NEMP2: variants seen among roughly 807,000 people sequenced by gnomAD.
The protein encoded by NEMP2 is nuclear envelope integral membrane protein 2.
In NEMP2, 53 loss-of-function variants were observed where a neutral mutation model predicts 54.2. That is an observed-to-expected ratio of 0.98 (90% CI 0.78 to 1.23). NEMP2 has a LOEUF of 1.23. NEMP2 is among the 50% of genes most tolerant of loss of function. NEMP2 has a pLI of 0.00. For missense variants in NEMP2, 455 were observed against 511.3 expected, an observed-to-expected ratio of 0.89 and a Z score of 1.06; for synonymous variants, 197 against 190.3, an observed-to-expected ratio of 1.04 and a Z score of -0.29.
At position 190,527,881 on chromosome 2, in the gene NEMP2, C is replaced by T. The variant is rs1012938421; in HGVS notation, c.98-2503G>A. Among the ~76,000 whole-genome samples the T allele has an allele frequency of 3.9e-5, 6 of 152,148 alleles. No homozygotes were observed. Among genetic ancestry groups the T allele is most frequent in the African/African-American group, 1.2e-4 (5 of 41,428 alleles). The stretch of plus-strand genomic sequence containing the variant: ...GATAATCTAACTAATGCCTGATGAT[C>T]TGAGGTGGAACAGTTTCATCCCAAA... On this transcript the variant is annotated intron_variant, in intron 1 of 8. Transcript: ENST00000409150. This position sits in a 1 kb window ranked among gnomAD's most constrained non-coding sequence, Gnocchi z 4.0.
the NEMP2 span, among the ~76,000 whole-genome samples, chr2:190,643,501 T>G: frequency 6.6e-6 from 1 of 152,230 alleles, no homozygotes; most frequent in Non-Finnish European, 1.5e-5. Context: ...CCATGTTACC[T>G]AAACAGGTAA....
downstream of NEMP2, chr2:190,500,307 C>A: frequency 7.2e-6 from 10 of 1,389,984 alleles, no homozygotes; most frequent in Non-Finnish European, 1.0e-5. The surrounding 1 kb of genome is among the most constrained non-coding windows in gnomAD (Gnocchi z 5.3). Context: ...TATGCCTCCC[C>A]TGGAGGAGCA....
the NEMP2 span, among the ~76,000 whole-genome samples, chr2:190,546,270 C>G: frequency 6.6e-6 from 1 of 152,012 alleles, no homozygotes; most frequent in African/African-American, 2.4e-5. This position sits in a 1 kb window ranked among gnomAD's most constrained non-coding sequence, Gnocchi z 5.1. Flanking sequence ...CACATACAGA[C>G]TGTTTTCCCT....
At chr2:190,540,914 T>C in the NEMP2 span, among the ~76,000 whole-genome samples, 13 of 152,152 alleles carry the variant, frequency 8.5e-5, no homozygotes, top group East Asian at 2.5e-3. Context: ...TTATTCATCA[T>C]TGGTTTGGTG....
At chr2:190,475,010 A>T in the NEMP2 span, among the ~76,000 whole-genome samples, 1 of 152,224 alleles carries the variant, frequency 6.6e-6, no homozygotes, top group Non-Finnish European at 1.5e-5. Flanking sequence ...TGCAAAATTC[A>T]ACAACCCTTC....
the NEMP2 span, among the ~76,000 whole-genome samples, chr2:190,487,716 T>C: frequency 1.3e-5 from 2 of 152,220 alleles, no homozygotes; most frequent in Non-Finnish European, 2.9e-5. This position sits in a 1 kb window ranked among gnomAD's most constrained non-coding sequence, Gnocchi z 5.5. Flanking sequence ...ACATTCATTA[T>C]GATTGCTATT....
At chr2:190,583,427 T>G in the NEMP2 span, among the ~76,000 whole-genome samples, 1 of 152,222 alleles carries the variant, frequency 6.6e-6, no homozygotes, top group African/African-American at 2.4e-5. Context: ...TCAACAGATT[T>G]TAAACGCCTG....
At chr2:190,606,064 G>A in the NEMP2 span, among the ~76,000 whole-genome samples, 3 of 152,218 alleles carry the variant, frequency 2.0e-5, no homozygotes, top group Admixed American at 1.3e-4. Context: ...GAGTTTCACA[G>A]TGTCCACCTT....
chr2:190,451,318 T>C, the NEMP2 span, among the ~76,000 whole-genome samples: 42 of 152,310 alleles, frequency 2.8e-4, no homozygotes, highest in South Asian at 7.7e-3. The surrounding 1 kb of genome is among the most constrained non-coding windows in gnomAD (Gnocchi z 5.0). Flanking sequence ...TCCTTAAGAT[T>C]AAATGAGATA....
the NEMP2 span, among the ~76,000 whole-genome samples, chr2:190,642,765 C>T: frequency 0.039 from 5,951 of 152,006 alleles, 207 homozygotes; most frequent in Non-Finnish European, 0.057. The surrounding 1 kb of genome is among the most constrained non-coding windows in gnomAD (Gnocchi z 4.1). Context: ...CAATAATAGA[C>T]GAGAATTATA....
chr2:190,610,645 C>T, the NEMP2 span: 5 of 152,240 alleles, frequency 3.3e-5, no homozygotes, highest in Non-Finnish European at 7.3e-5. The surrounding 1 kb of genome is among the most constrained non-coding windows in gnomAD (Gnocchi z 5.4). Flanking sequence ...ATTCTTGTTG[C>T]ACTTATGCAA....
At chr2:190,615,546 G>A in the NEMP2 span, among the ~76,000 whole-genome samples, 1 of 152,156 alleles carries the variant, frequency 6.6e-6, no homozygotes, top group East Asian at 1.9e-4. This position sits in a 1 kb window ranked among gnomAD's most constrained non-coding sequence, Gnocchi z 4.7. Flanking sequence ...ACCTATCCTT[G>A]GAGGTTTTAT....
chr2:190,626,285 T>G, the NEMP2 span: 51 of 152,130 alleles, frequency 3.4e-4, no homozygotes, highest in African/African-American at 1.2e-3. This position sits in a 1 kb window ranked among gnomAD's most constrained non-coding sequence, Gnocchi z 4.5. Context: ...CAGTCCATAG[T>G]AGTGACATAG....
the NEMP2 span, among the ~76,000 whole-genome samples, chr2:190,637,167 G>T: frequency 6.6e-6 from 1 of 152,198 alleles, no homozygotes; most frequent in African/African-American, 2.4e-5. The surrounding 1 kb of genome is among the most constrained non-coding windows in gnomAD (Gnocchi z 4.5). Flanking sequence ...CAATTGAGAA[G>T]TATAGTGTAC....
At chr2:190,599,145 T>C in the NEMP2 span, among the ~76,000 whole-genome samples, 1 of 152,312 alleles carries the variant, frequency 6.6e-6, no homozygotes, top group East Asian at 1.9e-4. Flanking sequence ...TTAGTGAAGG[T>C]TAACTACTGC....
chr2:190,531,575 T>A lies in NEMP2; in HGVS notation c.97+2984A>T, dbSNP rs1025515058. 6.6e-6 allele frequency among the ~76,000 whole-genome samples: 1 copy of A among 152,186 alleles called. No individual in the cohort carries two copies. The highest frequency in any genetic ancestry group is 2.4e-5 in the African/African-American group (1 of 41,434). Reference sequence around the variant, plus strand: ...TTACATTACCAAAGGATTCAGAAAGTCAGGGTTCCCTTAACCAATGAGATA... The same window carrying A: ...TTACATTACCAAAGGATTCAGAAAGACAGGGTTCCCTTAACCAATGAGATA... On this transcript the variant is annotated intron_variant, in intron 1 of 8. Transcript: ENST00000409150. The surrounding 1 kb of genome is among the most constrained non-coding windows in gnomAD (Gnocchi z 4.7).
At chr2:190,608,244 C>T in the NEMP2 span, 2 of 152,026 alleles carry the variant, frequency 1.3e-5, no homozygotes, top group African/African-American at 4.8e-5. This position sits in a 1 kb window ranked among gnomAD's most constrained non-coding sequence, Gnocchi z 4.9. Context: ...TAATAATGGT[C>T]CCAATGTGCG....
At chr2:190,578,498 G>A in the NEMP2 span, among the ~76,000 whole-genome samples, 1 of 152,062 alleles carries the variant, frequency 6.6e-6, no homozygotes, top group Non-Finnish European at 1.5e-5. The surrounding 1 kb of genome is among the most constrained non-coding windows in gnomAD (Gnocchi z 4.4). Flanking sequence ...GCCGGGATGA[G>A]GTGAAGGAAT....
rs1237425954 is a variant in NEMP2 at position 190,533,291 on chromosome 2, T to C, written c.97+1268A>G. On this transcript the variant is annotated intron_variant, in intron 1 of 8. Coordinates refer to ENST00000409150, the MANE Select transcript of NEMP2 (RefSeq NM_001142645.2). The surrounding 1 kb of genome is among the most constrained non-coding windows in gnomAD (Gnocchi z 4.3). ...CTCGCTGTTGCCATGCCCAGAAACC[T>C]TCCTGCTTAGACAGATTTGTGTTTT... Among the ~76,000 whole-genome samples the C allele has an allele frequency of 2.6e-5, 4 of 152,154 alleles. No individual in the cohort carries two copies. Among genetic ancestry groups the C allele is most frequent in the Admixed American group, 1.3e-4 (2 of 15,278 alleles).
Sources: gnomAD v4.1 joint callset for allele counts (sites outside exome capture counted in the v4.1 genomes callset) on GRCh38, gnomAD v4.1.1 for gene constraint, Gnocchi (gnomAD v3.1) non-coding constraint, MANE v1.5 for transcripts, NCBI Gene and HGNC (gene_info 2026-07-23, HGNC 2026-07-21) for gene names.